The following DEPTOR variants were observed in gnomAD, a reference collection of about 807,000 sequenced individuals.
DEPTOR encodes DEP domain containing MTOR interacting protein.
A neutral mutation model predicts 41.6 loss-of-function variants in DEPTOR; 41 were observed. That is an observed-to-expected ratio of 0.98 (90% CI 0.77 to 1.28). The LOEUF (loss-of-function observed/expected upper bound fraction) is 1.28, where lower values mean the gene tolerates loss of function less well. Ranked by LOEUF, DEPTOR falls within the 50% of genes most tolerant of loss-of-function variation. The pLI, the probability that DEPTOR is intolerant of heterozygous loss-of-function variation, is 0.00. For missense variants in DEPTOR, 514 were observed against 527.9 expected, an observed-to-expected ratio of 0.97 and a Z score of 0.26; for synonymous variants, 195 against 192.3, an observed-to-expected ratio of 1.01 and a Z score of -0.12.
At chr8:119,956,754 A>G (rs1176500201) in intron 3 of DEPTOR, among the ~76,000 whole-genome samples, 1 of 16,780 alleles carries the variant, frequency 6.0e-5, no homozygotes, top group Non-Finnish European at 1.4e-4. Flanking sequence ...TTTTTTTTTT[A>G]GATGAAGTCT....
intron 1 of DEPTOR, among the ~76,000 whole-genome samples, chr8:119,908,761 C>G (rs530887089): frequency 1.3e-5 from 2 of 152,316 alleles, no homozygotes; most frequent in Non-Finnish European, 2.9e-5. Flanking sequence ...ACTTGAGTTG[C>G]TATTGAATCA....
chr8:119,927,996 G>T (rs1378411916), intron 1 of DEPTOR, among the ~76,000 whole-genome samples: 1 of 152,100 alleles, frequency 6.6e-6, no homozygotes, highest in Non-Finnish European at 1.5e-5. Context: ...CAAGTAGGGT[G>T]GGCCCTGAAC....
chr8:119,985,962 G>A (rs1427593744), intron 4 of DEPTOR, among the ~76,000 whole-genome samples: 1 of 148,302 alleles, frequency 6.7e-6, no homozygotes, highest in East Asian at 2.0e-4. Flanking sequence ...GCACACCGAT[G>A]GGTTTTGACT....
chr8:120,005,520 A>G (rs113991292), intron 6 of DEPTOR, among the ~76,000 whole-genome samples: 4,027 of 152,254 alleles, frequency 0.026, 177 homozygotes, highest in African/African-American at 0.09. Flanking sequence ...TGTCTGCTGC[A>G]CACTCTTTCC....
chr8:119,885,594 A>G (rs1255996585), intron 1 of DEPTOR, among the ~76,000 whole-genome samples: 1 of 152,212 alleles, frequency 6.6e-6, no homozygotes, highest in Non-Finnish European at 1.5e-5. Flanking sequence ...CATGATAAGG[A>G]ACATTTTTTT....
intron 3 of DEPTOR, among the ~76,000 whole-genome samples, chr8:119,950,408 A>C (rs778063353): frequency 2.6e-5 from 4 of 152,120 alleles, no homozygotes; most frequent in Middle Eastern, 3.4e-3. Flanking sequence ...TTTTAAATTT[A>C]AATTTAATTT....
rs556232992 is a variant in DEPTOR at position 119,939,737 on chromosome 8, A to T, written c.425+9799A>T. ...TGATCCGCCTGACTCAGCCTCCCAAAGTGCTGGAACTACAGGTGTGAGCCA... is the reference window on the plus strand; with the variant it reads ...TGATCCGCCTGACTCAGCCTCCCAATGTGCTGGAACTACAGGTGTGAGCCA... On this transcript the variant is annotated intron_variant, in intron 3 of 8. Transcript: ENST00000286234. Among the ~76,000 whole-genome samples, 576 of 152,026 alleles carry T rather than the reference A, an allele frequency of 3.8e-3. 6 individuals are homozygous for T. The highest frequency in any genetic ancestry group is 4.1e-3 in the Admixed American group (63 of 15,266).
chr8:119,946,527 G>A (rs10104948), intron 3 of DEPTOR, among the ~76,000 whole-genome samples: 48,279 of 151,264 alleles, frequency 0.32, 9,474 homozygotes, highest in East Asian at 0.52. Flanking sequence ...GATCACTGGA[G>A]ATCAGGAGTT....
intron 1 of DEPTOR, among the ~76,000 whole-genome samples, chr8:119,894,301 A>G (rs1278988587): frequency 6.6e-6 from 1 of 152,114 alleles, no homozygotes. Context: ...CCTGGGCTCA[A>G]GCGAGCCTCC....
intron 1 of DEPTOR, among the ~76,000 whole-genome samples, chr8:119,888,642 G>A (rs1827405783): frequency 6.6e-6 from 1 of 152,054 alleles, no homozygotes; most frequent in South Asian, 2.1e-4. Flanking sequence ...GATGGCTTGA[G>A]GCCAGGAGTT....
At chr8:119,875,223 G>A (rs1210624579) in intron 1 of DEPTOR, among the ~76,000 whole-genome samples, 1 of 152,156 alleles carries the variant, frequency 6.6e-6, no homozygotes, top group Admixed American at 6.5e-5. Flanking sequence ...AACAAGTTTT[G>A]TGTGAGCAAT....
At chr8:120,040,257 C>A (rs1466840223) in intron 8 of DEPTOR, among the ~76,000 whole-genome samples, 1 of 151,982 alleles carries the variant, frequency 6.6e-6, no homozygotes. Flanking sequence ...ATGGGATGAG[C>A]ATTTAAACTA....
At chr8:119,952,242 A>C (rs1014403473) in intron 3 of DEPTOR, among the ~76,000 whole-genome samples, 1 of 152,226 alleles carries the variant, frequency 6.6e-6, no homozygotes, top group African/African-American at 2.4e-5. Flanking sequence ...GGATATGTTC[A>C]CAGAGACCTT....
chr8:120,047,236 G>A (rs1813165676), intron 8 of DEPTOR, among the ~76,000 whole-genome samples: 2 of 152,050 alleles, frequency 1.3e-5, no homozygotes, highest in Non-Finnish European at 2.9e-5. Flanking sequence ...TGGCCAGGCT[G>A]GTCTTGAACT....
Position 120,026,366 on chromosome 8 carries a change from G to A in DEPTOR, c.1101+17233G>A, listed in dbSNP as rs192070995. On this transcript the variant is annotated intron_variant, in intron 8 of 8. Coordinates refer to ENST00000286234, the MANE Select transcript of DEPTOR (RefSeq NM_022783.4). ...TATTCTAATTTTTTTTTTTGAGATG[G>A]AGTTTTGCTCTTATCACCCAGGCTG... Among the ~76,000 whole-genome samples the A allele has an allele frequency of 2.0e-5, 3 of 151,440 alleles. No homozygotes were observed. In the East Asian group the frequency reaches 5.9e-4, roughly 30 times the overall value.
At chr8:119,932,533 A>G (rs1828058423) in intron 3 of DEPTOR, among the ~76,000 whole-genome samples, 1 of 152,206 alleles carries the variant, frequency 6.6e-6, no homozygotes, top group East Asian at 1.9e-4. Flanking sequence ...ATCTCTGAGC[A>G]TCTTCTTTCC....
intron 7 of DEPTOR, among the ~76,000 whole-genome samples, chr8:120,007,222 C>T (rs1365275159): frequency 1.3e-5 from 2 of 152,106 alleles, no homozygotes; most frequent in African/African-American, 4.8e-5. Context: ...TTATTTCCCA[C>T]CATTAGTCAT....
intron 3 of DEPTOR, among the ~76,000 whole-genome samples, chr8:119,956,727 G>GTT (rs1410547306): frequency 9.2e-4 from 74 of 80,650 alleles, no homozygotes; most frequent in African/African-American, 1.0e-3. Flanking sequence ...AGGGTTTTTT[G>GTT]TTTTTTTTTT....
intron 1 of DEPTOR, among the ~76,000 whole-genome samples, chr8:119,893,482 T>G (rs777476597): frequency 1.3e-5 from 2 of 152,180 alleles, no homozygotes; most frequent in Non-Finnish European, 2.9e-5. Context: ...ATTTCCTGGA[T>G]GAAGCCAGAC....
Sources: gnomAD v4.1 joint callset for allele counts (sites outside exome capture counted in the v4.1 genomes callset) on GRCh38, gnomAD v4.1.1 for gene constraint, MANE v1.5 for transcripts, NCBI Gene and HGNC (gene_info 2026-07-23, HGNC 2026-07-21) for gene names.